The following KIAA1328 variants were observed in gnomAD, a reference collection of about 807,000 sequenced individuals.
KIAA1328 encodes the protein protein hinderin.
In KIAA1328, 52 loss-of-function variants were observed where a neutral mutation model predicts 68.1. That is an observed-to-expected ratio of 0.76 (90% CI 0.61 to 0.96). The LOEUF (loss-of-function observed/expected upper bound fraction) is 0.96, where lower values mean the gene tolerates loss of function less well. Among genes scored for constraint, KIAA1328 ranks in the 40% least tolerant of loss-of-function variants. KIAA1328 has a pLI of 0.00. For missense variants in KIAA1328, 641 were observed against 677.6 expected (o/e 0.95, Z 0.60); for synonymous variants, 232 against 239.4 (o/e 0.97, Z 0.28).
chr18:37,019,796 A>G (rs1050997282), intron 6 of KIAA1328, among the ~76,000 whole-genome samples: 3 of 152,238 alleles, frequency 2.0e-5, no homozygotes, highest in Non-Finnish European at 4.4e-5. Context: ...CTGCCTGGGC[A>G]TGGAGTGTAG....
intron 5 of KIAA1328, among the ~76,000 whole-genome samples, chr18:36,943,606 A>G (rs968764921): frequency 6.6e-6 from 1 of 152,202 alleles, no homozygotes; most frequent in African/African-American, 2.4e-5. Flanking sequence ...TTATTTTTGA[A>G]CAATTTTTGC....
intron 5 of KIAA1328, among the ~76,000 whole-genome samples, chr18:36,892,182 C>T (rs1462810023): frequency 6.6e-6 from 1 of 151,848 alleles, no homozygotes; most frequent in Non-Finnish European, 1.5e-5. Flanking sequence ...TATCATAGAT[C>T]TCGGTGGAGT....
intron 6 of KIAA1328, among the ~76,000 whole-genome samples, chr18:37,032,101 G>C (rs1427184665): frequency 6.6e-6 from 1 of 152,130 alleles, no homozygotes; most frequent in Non-Finnish European, 1.5e-5. Context: ...AATCTCTGGA[G>C]CCCAGGAGGC....
intron 7 of KIAA1328, among the ~76,000 whole-genome samples, chr18:37,142,866 T>C (rs2058799137): frequency 1.3e-5 from 2 of 152,168 alleles, no homozygotes; most frequent in African/African-American, 2.4e-5. Flanking sequence ...ATTCAATCAA[T>C]TTGGGGAGAA....
At chr18:36,992,733 A>G (rs997642808) in intron 6 of KIAA1328, among the ~76,000 whole-genome samples, 1 of 152,194 alleles carries the variant, frequency 6.6e-6, no homozygotes, top group Admixed American at 6.5e-5. Flanking sequence ...AGCCACATAA[A>G]GAGCCAGAGG....
chr18:37,000,084 G>A (rs2053533405), intron 6 of KIAA1328, among the ~76,000 whole-genome samples: 1 of 151,930 alleles, frequency 6.6e-6, no homozygotes, highest in Non-Finnish European at 1.5e-5. Flanking sequence ...AAAAAAAAAT[G>A]ATCCAACCAT....
chr18:37,050,047 CA>C (rs1489410454), intron 6 of KIAA1328, among the ~76,000 whole-genome samples: 1 of 151,998 alleles, frequency 6.6e-6, no homozygotes, highest in Admixed American at 6.6e-5. Context: ...GACACAAATT[CA>C]TCTTTGAATG....
intron 6 of KIAA1328, among the ~76,000 whole-genome samples, chr18:36,985,864 A>G (rs1248738726): frequency 1.3e-5 from 2 of 152,208 alleles, no homozygotes; most frequent in East Asian, 3.8e-4. Flanking sequence ...AAGCACATGA[A>G]AAGTTGCTCA....
intron 8 of KIAA1328, among the ~76,000 whole-genome samples, chr18:37,170,702 G>A (rs2059483311): frequency 6.6e-6 from 1 of 152,082 alleles, no homozygotes; most frequent in Non-Finnish European, 1.5e-5. Flanking sequence ...ATAGCATAAT[G>A]GCCAAAGCTC....
intron 5 of KIAA1328, among the ~76,000 whole-genome samples, chr18:36,909,207 T>C (rs2049334785): frequency 6.6e-6 from 1 of 152,142 alleles, no homozygotes. Flanking sequence ...TATGTATACA[T>C]GTGCCATGTT....
At chr18:36,874,699 G>A (rs932176585) in intron 4 of KIAA1328, among the ~76,000 whole-genome samples, 8 of 152,156 alleles carry the variant, frequency 5.3e-5, no homozygotes, top group Admixed American at 5.2e-4. Context: ...GAACCCATTT[G>A]TAAATTTTGG....
chr18:37,067,638 G>C, intron 7 of KIAA1328, 93 bp downstream of exon 7: 1 of 1,284,174 alleles, frequency 7.8e-7, no homozygotes, highest in Non-Finnish European at 1.0e-6. Context: ...TCAGCTCACT[G>C]CAGCCTCCGC....
intron 4 of KIAA1328, among the ~76,000 whole-genome samples, chr18:36,860,560 T>C (rs1403837969): frequency 6.6e-6 from 1 of 152,188 alleles, no homozygotes; most frequent in East Asian, 1.9e-4. Context: ...TTTTAGCTTT[T>C]CTAAACAGTG....
At chr18:37,030,206 T>C (rs2054767018) in intron 6 of KIAA1328, among the ~76,000 whole-genome samples, 1 of 152,120 alleles carries the variant, frequency 6.6e-6, no homozygotes, top group Non-Finnish European at 1.5e-5. Flanking sequence ...CCTTCATTCA[T>C]ATTTTTTTCA....
chr18:37,052,041 C>CA (rs879749688), intron 6 of KIAA1328, among the ~76,000 whole-genome samples: 4,153 of 121,088 alleles, frequency 0.034, 112 homozygotes, highest in African/African-American at 0.085. Flanking sequence ...GACTACGTCT[C>CA]AAAAAAAAAA....
At chr18:37,019,694 G>A (rs2054275325) in intron 6 of KIAA1328, among the ~76,000 whole-genome samples, 1 of 152,236 alleles carries the variant, frequency 6.6e-6, no homozygotes, top group Non-Finnish European at 1.5e-5. Context: ...GTGGAACAGA[G>A]AAGGCCCCAT....
At chr18:36,899,228 C>G (rs1023025307) in intron 5 of KIAA1328, among the ~76,000 whole-genome samples, 1 of 151,870 alleles carries the variant, frequency 6.6e-6, no homozygotes, top group African/African-American at 2.4e-5. Context: ...CATGAATGGA[C>G]ACTGATTATT....
At chr18:37,178,145 G>C (rs2059630108) in intron 9 of KIAA1328, among the ~76,000 whole-genome samples, 1 of 151,896 alleles carries the variant, frequency 6.6e-6, no homozygotes, top group African/African-American at 2.4e-5. Flanking sequence ...TAGAACATCA[G>C]AACTTATTCC....
At chr18:37,018,824 C>T (rs573981096) in intron 6 of KIAA1328, among the ~76,000 whole-genome samples, 27 of 151,830 alleles carry the variant, frequency 1.8e-4, no homozygotes, top group African/African-American at 6.5e-4. Context: ...TTTTTCATTT[C>T]CTAGATTGCT....
Sources: gnomAD v4.1 joint callset for allele counts (sites outside exome capture counted in the v4.1 genomes callset) on GRCh38, gnomAD v4.1.1 for gene constraint, MANE v1.5 for transcripts, NCBI Gene and HGNC (gene_info 2026-07-23, HGNC 2026-07-21) for gene names.